Variants in TET3 observed in about 807,000 individuals in gnomAD.
TET3 encodes the protein methylcytosine dioxygenase TET3.
TET3 carries 19 observed loss-of-function variants against 141.4 expected under a neutral mutation model. That is an observed-to-expected ratio of 0.13 (90% CI 0.09 to 0.20). The LOEUF (loss-of-function observed/expected upper bound fraction) is 0.20, where lower values mean the gene tolerates loss of function less well. Ranked by LOEUF, TET3 falls within the 10% of genes least tolerant of loss-of-function variation. The probability of loss-of-function intolerance (pLI) is 1.00; values close to 1 mark genes in which losing one functional copy is unlikely to be tolerated. For synonymous variants in TET3, 1,043 were observed against 980.9 expected (o/e 1.06, Z -1.18); for missense variants, 1,874 against 2,356.9 (o/e 0.80, Z 4.24).
In TET3 at chr2:74,047,845, A is replaced by T; in HGVS notation, c.1928A>T (p.His643Leu). Residue 643 changes from histidine (H) to leucine (L), a missense_variant, in exon 4 of 12, where the codon CAT becomes CTT. Coordinates refer to ENST00000409262, the MANE Select transcript of TET3 (RefSeq NM_001287491.2). ...CCAGCCTCCCAGGAAGTGCAGGCTCATCCACCGGCCCCTCTGCCTGCCTCA... is the reference window on the plus strand; with the variant it reads ...CCAGCCTCCCAGGAAGTGCAGGCTCTTCCACCGGCCCCTCTGCCTGCCTCA... ...RSPASQEVQA[H>L]PPAPLPASQG... 6.2e-7 allele frequency: 1 copy of T among 1,612,638 alleles called. No individual in the cohort carries two copies. The highest frequency in any genetic ancestry group is 8.5e-7 in the Non-Finnish European group (1 of 1,179,306).
intron 4 of TET3, among the ~76,000 whole-genome samples, chr2:74,059,178 C>G (rs1688366442): frequency 6.6e-6 from 1 of 152,240 alleles, no homozygotes; most frequent in African/African-American, 2.4e-5. Context: ...ATCATATGCT[C>G]TTTCATATTT....
intron 3 of TET3, 65 bp downstream of exon 3, chr2:74,003,231 T>C: frequency 3.2e-6 from 5 of 1,541,572 alleles, no homozygotes; most frequent in South Asian, 1.2e-5. Flanking sequence ...TTTGACCGGA[T>C]TGGATAAAAA....
At chr2:74,133,727 A>G in the TET3 span, among the ~76,000 whole-genome samples, 1 of 152,136 alleles carries the variant, frequency 6.6e-6, no homozygotes, top group Non-Finnish European at 1.5e-5. Context: ...ACTGCAGGTC[A>G]CTTTCACTTT....
chr2:74,072,094 C>A (rs1689239542), intron 4 of TET3, among the ~76,000 whole-genome samples: 1 of 152,174 alleles, frequency 6.6e-6, no homozygotes, highest in Non-Finnish European at 1.5e-5. Flanking sequence ...TCATTCCTAC[C>A]CAGCCCCCAG....
the TET3 span, among the ~76,000 whole-genome samples, chr2:74,120,502 G>A: frequency 3.9e-5 from 6 of 152,252 alleles, no homozygotes; most frequent in Non-Finnish European, 7.3e-5. Context: ...TTATTCACAC[G>A]TTCAAGTACC....
chr2:74,081,144 G>A (rs1158916260), intron 6 of TET3, among the ~76,000 whole-genome samples: 1 of 152,166 alleles, frequency 6.6e-6, no homozygotes, highest in Non-Finnish European at 1.5e-5. Context: ...TTGCTTCTAA[G>A]CAGTTTCCTA....
intron 6 of TET3, among the ~76,000 whole-genome samples, chr2:74,084,678 C>T (rs1458699043): frequency 6.6e-6 from 1 of 152,132 alleles, no homozygotes; most frequent in Non-Finnish European, 1.5e-5. Flanking sequence ...TGGTCTCGAT[C>T]TCCTGACCTC....
chr2:74,061,253 C>A (rs1405498805), intron 4 of TET3, among the ~76,000 whole-genome samples: 6 of 142,930 alleles, frequency 4.2e-5, no homozygotes, highest in Admixed American at 4.1e-4. Flanking sequence ...CTGACCCCCC[C>A]ACTTCCCTCC....
At chr2:74,124,734 G>T in the TET3 span, among the ~76,000 whole-genome samples, 101 of 148,724 alleles carry the variant, frequency 6.8e-4, no homozygotes, top group Admixed American at 2.6e-3. Context: ...CAGCATGCTC[G>T]TTAAGAGTCA....
intron 3 of TET3, among the ~76,000 whole-genome samples, chr2:74,033,707 T>TA (rs1373860248): frequency 2.0e-5 from 3 of 152,178 alleles, no homozygotes; most frequent in African/African-American, 7.2e-5. Context: ...GTATTATGGC[T>TA]AAAAAAATGT....
intron 5 of TET3, among the ~76,000 whole-genome samples, chr2:74,078,774 A>G (rs1689649033): frequency 6.6e-6 from 1 of 152,230 alleles, no homozygotes; most frequent in Non-Finnish European, 1.5e-5. Flanking sequence ...ACATGCCATG[A>G]TCAAATTGAA....
chr2:74,133,171 C>T, the TET3 span, among the ~76,000 whole-genome samples: 1 of 151,906 alleles, frequency 6.6e-6, no homozygotes, highest in African/African-American at 2.4e-5. Context: ...ACCTCAGCCT[C>T]CCAAAGTGCT....
At chr2:74,038,822 A>G (rs923713334) in intron 3 of TET3, among the ~76,000 whole-genome samples, 12 of 152,222 alleles carry the variant, frequency 7.9e-5, no homozygotes, top group African/African-American at 2.9e-4. Flanking sequence ...GATCCCTAAC[A>G]GAACGTGGCT....
intron 3 of TET3, among the ~76,000 whole-genome samples, chr2:74,022,350 G>A (rs920162087): frequency 1.3e-5 from 2 of 151,532 alleles, no homozygotes; most frequent in Non-Finnish European, 2.9e-5. Context: ...TGTATTAGTG[G>A]TATTAACTCT....
Position 74,087,801 on chromosome 2 carries a change from C to G in TET3, c.2680-29C>G, listed in dbSNP as rs1466092490. 1 of 1,528,448 alleles carries G rather than the reference C, an allele frequency of 6.5e-7. No individual in the cohort carries two copies. Among genetic ancestry groups the G allele is most frequent in the East Asian group, 2.5e-5 (1 of 40,634 alleles). 94.7% of individuals were successfully genotyped at this position (1,528,448 alleles called of 1,614,324 possible). ...TGCAGAGGAGCACGGGTACCTGGCT[C>G]CTGCCCCTCACACCCTGCGTCCCTG... is the stretch of plus-strand genomic sequence containing the variant. On this transcript the variant is annotated intron_variant, in intron 6 of 11. Transcript: ENST00000409262. The surrounding 1 kb of genome is among the most constrained non-coding windows in gnomAD (Gnocchi z 4.3).
At chr2:74,005,297 C>T (rs1016610449) in intron 3 of TET3, among the ~76,000 whole-genome samples, 10 of 152,206 alleles carry the variant, frequency 6.6e-5, no homozygotes, top group East Asian at 1.9e-4. Flanking sequence ...TTTCTCCTTC[C>T]GCCTTCTCAG....
intron 3 of TET3, among the ~76,000 whole-genome samples, chr2:74,033,279 T>C (rs186315999): frequency 1.3e-5 from 2 of 152,362 alleles, no homozygotes; most frequent in Admixed American, 1.3e-4. Context: ...CTGTTAACAT[T>C]TCTGTATGAT....
rs1396939881 is a variant in TET3 at position 74,105,376 on chromosome 2, G to A, written c.*3200G>A. On this transcript the variant is annotated 3_prime_UTR_variant, in exon 12 of 12. Transcript: ENST00000409262. ...AAGTGCTTGTAAAGTTCTGTGCTAC[G>A]AGATTTTTAAAATAAAAATCGCTTC... The A allele has an allele frequency of 1.5e-5, 6 of 398,352 alleles. No homozygotes were observed. Among genetic ancestry groups the A allele is most frequent in the Non-Finnish European group, 2.7e-5 (6 of 226,044 alleles). 24.7% of individuals were successfully genotyped at this position (398,352 alleles called of 1,614,324 possible). A position where few individuals can be genotyped will look rare whatever the true frequency, so the allele number is the denominator to read the frequency against.
At chr2:73,994,153 G>A (rs151289515) in intron 2 of TET3, among the ~76,000 whole-genome samples, 1 of 152,116 alleles carries the variant, frequency 6.6e-6, no homozygotes, top group Non-Finnish European at 1.5e-5. Flanking sequence ...AGAAATGTAC[G>A]AACTCTGGCT....
Sources: gnomAD v4.1 joint callset for allele counts (sites outside exome capture counted in the v4.1 genomes callset) on GRCh38, gnomAD v4.1.1 for gene constraint, Gnocchi (gnomAD v3.1) non-coding constraint, MANE v1.5 for transcripts, NCBI Gene and HGNC (gene_info 2026-07-23, HGNC 2026-07-21) for gene names.